NXPH1: variants seen among roughly 807,000 people sequenced by gnomAD.
The protein encoded by NXPH1 is neurexophilin-1.
In NXPH1, 5 loss-of-function variants were observed where a neutral mutation model predicts 23.7. That is an observed-to-expected ratio of 0.21 (90% CI 0.11 to 0.44). The LOEUF (loss-of-function observed/expected upper bound fraction) is 0.44, where lower values mean the gene tolerates loss of function less well. Ranked by LOEUF, NXPH1 falls within the 20% of genes least tolerant of loss-of-function variation. The probability of loss-of-function intolerance (pLI) is 0.99; values close to 1 mark genes in which losing one functional copy is unlikely to be tolerated. For missense variants in NXPH1, 324 were observed against 321.6 expected (o/e 1.01, Z -0.06); for synonymous variants, 144 against 122.2 (o/e 1.18, Z -1.18).
intron 2 of NXPH1, among the ~76,000 whole-genome samples, chr7:8,640,717 A>C (rs1166490315): frequency 2.0e-5 from 3 of 152,158 alleles, no homozygotes; most frequent in Admixed American, 1.3e-4. Context: ...GCACTTTGGG[A>C]GGTCAAGGCA....
intron 2 of NXPH1, among the ~76,000 whole-genome samples, chr7:8,626,754 C>A (rs1819998632): frequency 6.6e-6 from 1 of 152,006 alleles, no homozygotes; most frequent in South Asian, 2.1e-4. Context: ...TGATTTTATG[C>A]CTTAATAACA....
intron 2 of NXPH1, among the ~76,000 whole-genome samples, chr7:8,679,288 T>C (rs2115175316): frequency 6.6e-6 from 1 of 152,162 alleles, no homozygotes; most frequent in Non-Finnish European, 1.5e-5. Context: ...TTTTAAGAAA[T>C]AGTTCTGTAA....
At chr7:8,543,102 T>A (rs1445855644) in intron 2 of NXPH1, among the ~76,000 whole-genome samples, 1 of 151,594 alleles carries the variant, frequency 6.6e-6, no homozygotes, top group Admixed American at 6.6e-5. Context: ...ATTTTGAAAT[T>A]GGTTCTACCA....
At chr7:8,605,342 A>G (rs1583187319) in intron 2 of NXPH1, among the ~76,000 whole-genome samples, 3 of 152,182 alleles carry the variant, frequency 2.0e-5, no homozygotes, top group African/African-American at 7.2e-5. Context: ...TTGAAGGCAC[A>G]TGCAATAATG....
intron 2 of NXPH1, among the ~76,000 whole-genome samples, chr7:8,488,221 C>T (rs1445813667): frequency 6.6e-6 from 1 of 152,104 alleles, no homozygotes; most frequent in African/African-American, 2.4e-5. Flanking sequence ...CTATCCCATA[C>T]CATGGGACAC....
chr7:8,686,812 C>G (rs1821152049), intron 2 of NXPH1, among the ~76,000 whole-genome samples: 1 of 152,018 alleles, frequency 6.6e-6, no homozygotes, highest in Non-Finnish European at 1.5e-5. Context: ...TTATGATAAA[C>G]TGGAACTGTT....
intron 2 of NXPH1, among the ~76,000 whole-genome samples, chr7:8,453,579 G>A (rs531890954): frequency 2.0e-5 from 3 of 152,186 alleles, no homozygotes; most frequent in South Asian, 2.1e-4. Context: ...CTGCCTTAGA[G>A]GAATATTGTG....
intron 2 of NXPH1, among the ~76,000 whole-genome samples, chr7:8,686,018 A>C (rs1023387463): frequency 6.6e-6 from 1 of 152,124 alleles, no homozygotes; most frequent in Non-Finnish European, 1.5e-5. Flanking sequence ...GTATCAAAAC[A>C]TCTCATGTAT....
At chr7:8,492,352 G>C (rs956847240) in intron 2 of NXPH1, among the ~76,000 whole-genome samples, 2 of 151,982 alleles carry the variant, frequency 1.3e-5, no homozygotes, top group African/African-American at 4.8e-5. Flanking sequence ...ATCTGAGTTT[G>C]CTTTTGATTT....
At chr7:8,514,842 A>G (rs1331799544) in intron 2 of NXPH1, among the ~76,000 whole-genome samples, 2 of 152,076 alleles carry the variant, frequency 1.3e-5, no homozygotes, top group African/African-American at 4.8e-5. Context: ...TCAGTAGTTC[A>G]GTTGAGATGA....
intron 2 of NXPH1, among the ~76,000 whole-genome samples, chr7:8,447,860 C>T (rs1051169075): frequency 7.9e-5 from 12 of 152,304 alleles, no homozygotes; most frequent in African/African-American, 2.9e-4. Flanking sequence ...AAAGGCAAAG[C>T]CACGTGCCTC....
At chr7:8,733,454 A>C (rs1048817576) in intron 2 of NXPH1, among the ~76,000 whole-genome samples, 6 of 152,200 alleles carry the variant, frequency 3.9e-5, no homozygotes, top group African/African-American at 1.4e-4. Context: ...AGGAATCGCC[A>C]CACTGTCTTC....
chr7:8,605,027 C>T (rs1378637602), intron 2 of NXPH1, among the ~76,000 whole-genome samples: 2 of 152,060 alleles, frequency 1.3e-5, no homozygotes, highest in East Asian at 1.9e-4. Flanking sequence ...GTCAGAACTG[C>T]GTACCATATT....
rs549350115 is a variant in NXPH1 at position 8,698,729 on chromosome 7, T to G, written c.55-52279T>G. On this transcript the variant is annotated intron_variant, in intron 2 of 2. Coordinates refer to ENST00000405863, the MANE Select transcript of NXPH1 (RefSeq NM_152745.3). ...TGAGAACCACAGATCTATATAATTATGGATAATCTGGAATCTTAAGTTTAT... is the reference window on the plus strand; with the variant it reads ...TGAGAACCACAGATCTATATAATTAGGGATAATCTGGAATCTTAAGTTTAT... Among the ~76,000 whole-genome samples the G allele has an allele frequency of 3.9e-5, 6 of 152,252 alleles. No homozygotes were observed. The South Asian group carries it at 8.3e-4, about 21-fold the overall frequency.
chr7:8,464,523 T>C (rs948721581), intron 2 of NXPH1, among the ~76,000 whole-genome samples: 1 of 152,144 alleles, frequency 6.6e-6, no homozygotes, highest in Non-Finnish European at 1.5e-5. Flanking sequence ...ACCATCCTAA[T>C]CAATCTTTTG....
chr7:8,532,373 G>A (rs1346316643), intron 2 of NXPH1, among the ~76,000 whole-genome samples: 2 of 147,154 alleles, frequency 1.4e-5, no homozygotes, highest in African/African-American at 5.0e-5. Flanking sequence ...AAGAAGGAAA[G>A]CATTTGCTGC....
intron 2 of NXPH1, among the ~76,000 whole-genome samples, chr7:8,514,414 G>A (rs1339583466): frequency 6.6e-6 from 1 of 152,162 alleles, no homozygotes; most frequent in Non-Finnish European, 1.5e-5. Flanking sequence ...CCTTGAAGTT[G>A]CACAGCGAAT....
At chr7:8,585,962 G>C (rs1370862115) in intron 2 of NXPH1, among the ~76,000 whole-genome samples, 3 of 152,092 alleles carry the variant, frequency 2.0e-5, no homozygotes, top group African/African-American at 7.2e-5. Flanking sequence ...TTTTCCATGG[G>C]AATGTTGGGG....
intron 2 of NXPH1, among the ~76,000 whole-genome samples, chr7:8,523,619 T>C (rs549413387): frequency 6.6e-6 from 1 of 152,340 alleles, no homozygotes; most frequent in East Asian, 1.9e-4. Flanking sequence ...TTTTTCTTTT[T>C]GTTCAGGATT....
Sources: gnomAD v4.1 joint callset for allele counts (sites outside exome capture counted in the v4.1 genomes callset) on GRCh38, gnomAD v4.1.1 for gene constraint, MANE v1.5 for transcripts, NCBI Gene and HGNC (gene_info 2026-07-23, HGNC 2026-07-21) for gene names.